Variants in AFG3L2 observed in about 807,000 individuals in gnomAD.
AFG3L2 encodes the protein mitochondrial inner membrane m-AAA protease component AFG3L2.
A neutral mutation model predicts 94.5 loss-of-function variants in AFG3L2; 54 were observed. The observed-to-expected ratio is 0.57, with a 90% CI of 0.46 to 0.72. The LOEUF is 0.72. AFG3L2 is among the 30% of genes least tolerant of loss of function. The pLI is 0.00. For missense variants in AFG3L2, 754 were observed against 994.9 expected (o/e 0.76, Z 3.26); for synonymous variants, 377 against 365.5 (o/e 1.03, Z -0.36).
intron 3 of AFG3L2, among the ~76,000 whole-genome samples, chr18:12,369,915 T>C (rs1449782480): frequency 2.1e-5 from 3 of 144,966 alleles, no homozygotes; most frequent in African/African-American, 7.7e-5. Context: ...AAAAAAAAAT[T>C]AGCCAGGCGT....
At chr18:12,367,457 G>A (rs1908843943) in intron 3 of AFG3L2, 75 bp from the exon 4 acceptor site, 2 of 1,382,498 alleles carry the variant, frequency 1.4e-6, no homozygotes, top group Non-Finnish European at 2.0e-6. Context: ...CATGTATACG[G>A]TTTAATAAAA....
chr18:12,347,159 A>G (rs1283649073), intron 13 of AFG3L2, among the ~76,000 whole-genome samples: 1 of 152,144 alleles, frequency 6.6e-6, no homozygotes, highest in African/African-American at 2.4e-5. Context: ...AACAACAACA[A>G]CAAAAAACCC....
At chr18:12,376,748 G>A (rs948772563) in intron 1 of AFG3L2, among the ~76,000 whole-genome samples, 8 of 152,246 alleles carry the variant, frequency 5.3e-5, no homozygotes, top group Admixed American at 4.6e-4. Context: ...CGGCTCTACT[G>A]AAGCTGCGCG....
At chr18:12,358,287 A>C (rs1469080588) in intron 8 of AFG3L2, among the ~76,000 whole-genome samples, 1 of 152,206 alleles carries the variant, frequency 6.6e-6, no homozygotes, top group African/African-American at 2.4e-5. Flanking sequence ...CCTCAGCGCC[A>C]GCACAGGTGT....
At chr18:12,375,587 C>T (rs1029071326) in intron 1 of AFG3L2, among the ~76,000 whole-genome samples, 41 of 151,832 alleles carry the variant, frequency 2.7e-4, no homozygotes, top group Non-Finnish European at 5.0e-4. Context: ...GCTCTGTCGC[C>T]CAGGCTAGAG....
At chr18:12,339,821 C>T (rs944970656) in intron 15 of AFG3L2, among the ~76,000 whole-genome samples, 10 of 147,284 alleles carry the variant, frequency 6.8e-5, no homozygotes, top group Non-Finnish European at 1.5e-4. Context: ...TGCACTCCAG[C>T]CTGGGCAAGA....
intron 13 of AFG3L2, among the ~76,000 whole-genome samples, chr18:12,346,540 G>A (rs1908142412): frequency 6.6e-6 from 1 of 152,232 alleles, no homozygotes; most frequent in Non-Finnish European, 1.5e-5. Context: ...TCACAGTGAT[G>A]ACTGCAAGGT....
intron 16 of AFG3L2, among the ~76,000 whole-genome samples, chr18:12,331,810 T>TAA (rs1158679876): frequency 0.12 from 62 of 508 alleles, no homozygotes; most frequent in African/African-American, 0.22. Context: ...AATAAATAAA[T>TAA]ATATATATAT....
intron 9 of AFG3L2, 97 bp from the exon 10 acceptor site, chr18:12,353,255 C>T: frequency 1.4e-6 from 2 of 1,460,118 alleles, no homozygotes; most frequent in South Asian, 2.3e-5. Context: ...TGGCTCATGC[C>T]TGTAATCCCA....
intron 10 of AFG3L2, 39 bp downstream of exon 10, chr18:12,352,966 A>C: frequency 1.2e-6 from 2 of 1,606,080 alleles, no homozygotes; most frequent in Non-Finnish European, 1.7e-6. Flanking sequence ...AAAAAAAAAC[A>C]AAAGTGCAGT....
chr18:12,360,248 C>A (rs1908619025), intron 6 of AFG3L2, 197 bp from the exon 7 acceptor site: 1 of 572,578 alleles, frequency 1.7e-6, no homozygotes, highest in Non-Finnish European at 3.0e-6. Context: ...CAATTCTTGG[C>A]AAATAAGCAT....
intron 12 of AFG3L2, 37 bp downstream of exon 12, chr18:12,351,048 A>G (rs1366627312): frequency 3.7e-6 from 6 of 1,611,412 alleles, no homozygotes; most frequent in Non-Finnish European, 5.1e-6. Flanking sequence ...TGATTTTAAT[A>G]TGCTTCTAAA....
chr18:12,337,354 GCTTT>G lies in AFG3L2; in HGVS notation c.2158_2161del (p.Lys720LeufsTer11), dbSNP rs1568133833. On this transcript the variant is annotated frameshift_variant, in exon 16 of 17. Transcript: ENST00000269143. LOFTEE classifies it high-confidence loss of function. ...ACTGGCACCTACCTTCTCCACGTCAGCTTTCTTTTCTGTGAGAAGAGCTACTGTT... is the reference window on the plus strand; with the variant it reads ...ACTGGCACCTACCTTCTCCACGTCAGCTTTTCTGTGAGAAGAGCTACTGTT... 6.2e-7 allele frequency: 1 copy of G among 1,613,974 alleles called. No individual in the cohort carries two copies. Among genetic ancestry groups the G allele is most frequent in the Non-Finnish European group, 8.5e-7 (1 of 1,179,876 alleles).
intron 10 of AFG3L2, among the ~76,000 whole-genome samples, chr18:12,352,803 CT>C (rs1908359046): frequency 6.6e-6 from 1 of 152,008 alleles, no homozygotes; most frequent in African/African-American, 2.4e-5. Context: ...AATAAGGACT[CT>C]CATTTTGGGG....
At chr18:12,373,873 A>G (rs1377049917) in intron 1 of AFG3L2, among the ~76,000 whole-genome samples, 1 of 152,172 alleles carries the variant, frequency 6.6e-6, no homozygotes, top group Admixed American at 6.6e-5. Context: ...CAAGACACTC[A>G]TGAGAGCTCC....
rs1019165501 is a variant in AFG3L2 at position 12,367,532 on chromosome 18, A to G, written c.293-150T>C. ...TAAGTGAAGCACTATGAGAAAGAAT[A>G]CAAATACAAAGCTTACCAATCAGGG... On this transcript the variant is annotated intron_variant, in intron 3 of 16. Transcript: ENST00000269143. 4 of 773,668 alleles carry G rather than the reference A, an allele frequency of 5.2e-6. No homozygotes were observed. The Admixed American group carries it at 6.1e-5, about 12-fold the overall frequency. 47.9% of individuals were successfully genotyped at this position (773,668 alleles called of 1,614,324 possible).
chr18:12,356,154 T>TC (rs1908488423), intron 9 of AFG3L2, among the ~76,000 whole-genome samples: 1 of 135,908 alleles, frequency 7.4e-6, no homozygotes, highest in Non-Finnish European at 1.6e-5. Flanking sequence ...TAAAGCAAAA[T>TC]TTTTTTTTTT....
chr18:12,329,433 C>T lies in AFG3L2; in HGVS notation c.*132G>A. ...GGCTGAAAGGACTAAGGACTCCTTTCCCCATCATTTCAGCTGGGCCAGTGG... is the reference window on the plus strand; with the variant it reads ...GGCTGAAAGGACTAAGGACTCCTTTTCCCATCATTTCAGCTGGGCCAGTGG... On this transcript the variant is annotated 3_prime_UTR_variant, in exon 17 of 17. Coordinates refer to ENST00000269143, the MANE Select transcript of AFG3L2 (RefSeq NM_006796.3). The T allele has an allele frequency of 2.0e-6, 2 of 979,512 alleles. No homozygotes were observed. Among genetic ancestry groups the T allele is most frequent in the Non-Finnish European group, 3.3e-6 (2 of 615,062 alleles). The allele number at this position is 979,512 out of a possible 1,614,324, so 60.7% of individuals were successfully genotyped here.
At chr18:12,363,677 T>C in intron 6 of AFG3L2, 105 bp downstream of exon 6, 1 of 877,706 alleles carries the variant, frequency 1.1e-6, no homozygotes, top group Non-Finnish European at 1.9e-6. Context: ...TTCTGATATA[T>C]CTGGTGCGTA....
Sources: allele counts gnomAD v4.1 joint callset (sites outside exome capture counted in the v4.1 genomes callset), GRCh38; gene constraint gnomAD v4.1.1; transcripts MANE v1.5; gene names NCBI Gene and HGNC (gene_info 2026-07-23, HGNC 2026-07-21).